Variants in GCN1 observed in about 807,000 individuals in gnomAD.
GCN1 encodes the protein GCN1 activator of EIF2AK4, also known as stalled ribosome sensor GCN1.
GCN1 carries 90 observed loss-of-function variants against 288.4 expected under a neutral mutation model. That is an observed-to-expected ratio of 0.31 (90% CI 0.26 to 0.37). The LOEUF (loss-of-function observed/expected upper bound fraction) is 0.37, where lower values mean the gene tolerates loss of function less well. Ranked by LOEUF, GCN1 falls within the 10% of genes least tolerant of loss-of-function variation. The pLI is 1.00. For synonymous variants in GCN1, 1,386 were observed against 1,420.2 expected, an observed-to-expected ratio of 0.98 and a Z score of 0.54; for missense variants, 2,586 against 3,419.9, an observed-to-expected ratio of 0.76 and a Z score of 6.08.
At position 120,127,514 on chromosome 12, in the gene GCN1, T is replaced by A. The variant is rs1876654992; in HGVS notation, c.*335A>T. 1 of 237,984 alleles carries A rather than the reference T, an allele frequency of 4.2e-6. No individual in the cohort carries two copies. The highest frequency in any genetic ancestry group is 8.4e-6 in the Non-Finnish European group (1 of 118,768). 14.7% of individuals were successfully genotyped at this position (237,984 alleles called of 1,614,324 possible). A position where few individuals can be genotyped will look rare whatever the true frequency, so the allele number is the denominator to read the frequency against. Reference sequence around the variant, plus strand: ...GTAGCGCCAGCTCTCAAACCAGAGCTCAAGCACAGGAGAAGAGGAACCCAC... The same window carrying A: ...GTAGCGCCAGCTCTCAAACCAGAGCACAAGCACAGGAGAAGAGGAACCCAC... On this transcript the variant is annotated 3_prime_UTR_variant, in exon 58 of 58. Transcript: ENST00000300648.
chr12:120,172,236 A>G (rs73412859), intron 14 of GCN1, among the ~76,000 whole-genome samples: 1 of 152,182 alleles, frequency 6.6e-6, no homozygotes, highest in African/African-American at 2.4e-5. Context: ...TTGAGCGTAC[A>G]TTTCTACCCA....
chr12:120,130,819 A>G, intron 55 of GCN1, 66 bp from the exon 56 acceptor site: 3 of 959,694 alleles, frequency 3.1e-6, no homozygotes, highest in Non-Finnish European at 4.9e-6. Context: ...GGAAAACCCC[A>G]GTTCCTAGTA....
intron 15 of GCN1, among the ~76,000 whole-genome samples, chr12:120,168,792 T>C (rs1878213930): frequency 6.6e-6 from 1 of 152,046 alleles, no homozygotes; most frequent in Non-Finnish European, 1.5e-5. Context: ...AAGCTACGGA[T>C]ATATTTCTGT....
At position 120,155,275 on chromosome 12, in the gene GCN1, C is replaced by T; in HGVS notation, c.3596G>A (p.Gly1199Asp). ...TTCCTGGTAAATCTCCATGAGCCTG[C>T]CCATAACCTCCGCCGCCTGCCGCTG... is the stretch of plus-strand genomic sequence containing the variant. Reference protein sequence around the residue: ...RYQRQAAEVMGRLMEIYQEKL... With the variant: ...RYQRQAAEVMDRLMEIYQEKL... The change falls in exon 30 of 58, where the codon GGC becomes GAC. Residue 1199 changes from glycine to aspartate, a missense_variant. Gly to Asp is a moderately conservative substitution (Grantham distance 94, BLOSUM62 -1). Around this residue, in one of 8 missense-constraint regions of GCN1, gnomAD observed 332 missense variants for 403.0 expected, o/e 0.82. Transcript: ENST00000300648. The surrounding 1 kb of genome is among the most constrained non-coding windows in gnomAD (Gnocchi z 4.9). 3 of 1,614,164 alleles carry T rather than the reference C, an allele frequency of 1.9e-6. No individual in the cohort carries two copies. Among genetic ancestry groups the T allele is most frequent in the Non-Finnish European group, 2.5e-6 (3 of 1,180,032 alleles).
intron 10 of GCN1, 111 bp from the exon 11 acceptor site, chr12:120,175,985 C>T (rs1878470983): frequency 2.8e-6 from 4 of 1,421,704 alleles, no homozygotes; most frequent in South Asian, 2.4e-5. Flanking sequence ...TGCTCTCATT[C>T]AAATAATCTC....
chr12:120,133,728 G>A (rs931312168), intron 53 of GCN1, among the ~76,000 whole-genome samples: 3 of 152,218 alleles, frequency 2.0e-5, no homozygotes, highest in Admixed American at 6.5e-5. Flanking sequence ...AGAGCAAATA[G>A]GTGAGAGGTC....
chr12:120,179,804 G>A (rs995429280), intron 5 of GCN1, among the ~76,000 whole-genome samples: 9 of 152,194 alleles, frequency 5.9e-5, no homozygotes, highest in African/African-American at 2.2e-4. Flanking sequence ...TGCCATGCAG[G>A]TAAAGAATTA....
At chr12:120,161,691 A>T (rs2139115291) in intron 21 of GCN1, 108 bp from the exon 22 acceptor site, 2 of 941,996 alleles carry the variant, frequency 2.1e-6, no homozygotes, top group South Asian at 2.8e-5. Flanking sequence ...GTGCACCAGC[A>T]CAGTGCCGGA....
intron 56 of GCN1, among the ~76,000 whole-genome samples, chr12:120,129,822 G>C (rs1396102433): frequency 1.3e-5 from 2 of 152,148 alleles, no homozygotes; most frequent in Admixed American, 6.5e-5. Context: ...GCAGGTCTCA[G>C]CTCCCATGTC....
At position 120,144,518 on chromosome 12, in the gene GCN1, C is replaced by T; in HGVS notation, c.5353-70G>A. On this transcript the variant is annotated intron_variant, in intron 41 of 57. Coordinates refer to ENST00000300648, the MANE Select transcript of GCN1 (RefSeq NM_006836.2). This position sits in a 1 kb window ranked among gnomAD's most constrained non-coding sequence, Gnocchi z 4.7. ...CCCCCAGCCCAAAAAACATGGGGCT[C>T]ACTGAAGGCTGAGGGCTCTGCCAAC... 3.2e-6 allele frequency: 5 copies of T among 1,575,616 alleles called. No individual in the cohort carries two copies. The highest frequency in any genetic ancestry group is 4.3e-6 in the Non-Finnish European group (5 of 1,157,362).
At chr12:120,175,299 G>A (rs1210706776) in intron 11 of GCN1, 87 bp from the exon 12 acceptor site, 11 of 1,202,184 alleles carry the variant, frequency 9.2e-6, no homozygotes, top group East Asian at 4.7e-5. Flanking sequence ...GTGATGCCAC[G>A]ATACGGTTTC....
In GCN1 at chr12:120,162,896, T is replaced by A; in HGVS notation, c.2114A>T (p.His705Leu). Residue 705 changes from histidine to leucine, a missense_variant, in exon 20 of 58, where the codon CAC (histidine) becomes CTC (leucine). His to Leu is a moderately conservative substitution (Grantham distance 99). Coordinates refer to ENST00000300648, the MANE Select transcript of GCN1 (RefSeq NM_006836.2). Reference protein sequence around the residue: ...KIDPEAFITRHLDQIIPRMTT... With the variant: ...KIDPEAFITRLLDQIIPRMTT... Reference sequence around the variant, plus strand: ...CATCCTGGGAATGATCTGATCCAGGTGCCTGGTGATAAAGGCTTCAGGATC... The same window carrying A: ...CATCCTGGGAATGATCTGATCCAGGAGCCTGGTGATAAAGGCTTCAGGATC... The A allele has an allele frequency of 6.2e-7, 1 of 1,614,104 alleles. No individual in the cohort carries two copies. Among genetic ancestry groups the A allele is most frequent in the East Asian group, 2.2e-5 (1 of 44,872 alleles).
At position 120,137,305 on chromosome 12, in the gene GCN1, G is replaced by C; in HGVS notation, c.6678C>G (p.Gly2226=). 6.2e-7 allele frequency: 1 copy of C among 1,613,810 alleles called. No homozygotes were observed. The highest frequency in any genetic ancestry group is 1.3e-5 in the African/African-American group (1 of 75,048). Residue 2226 remains glycine (G), a synonymous_variant, in exon 50 of 58, where the codon GGC becomes GGG. Coordinates refer to ENST00000300648, the MANE Select transcript of GCN1 (RefSeq NM_006836.2). This position sits in a 1 kb window ranked among gnomAD's most constrained non-coding sequence, Gnocchi z 5.2. ...LNAITKKLDA[G]NQLALIEELH... ...GCTCTTCAATGAGTGCCAACTGGTT[G>C]CCAGCATCCAGCTTCTGCAGGAATC... is the stretch of plus-strand genomic sequence containing the variant.
At chr12:120,151,895 C>G (rs1338645709) in intron 33 of GCN1, among the ~76,000 whole-genome samples, 1 of 152,328 alleles carries the variant, frequency 6.6e-6, no homozygotes, top group East Asian at 1.9e-4. Flanking sequence ...AGCTTGGGAG[C>G]AGCAACCCCG....
chr12:120,176,824 T>C (rs1049408905), intron 9 of GCN1, among the ~76,000 whole-genome samples: 1 of 152,176 alleles, frequency 6.6e-6, no homozygotes, highest in African/African-American at 2.4e-5. Flanking sequence ...TGGAGTGTAA[T>C]GGCATGATCT....
At chr12:120,136,172 T>C (rs935387531) in intron 51 of GCN1, among the ~76,000 whole-genome samples, 3 of 152,242 alleles carry the variant, frequency 2.0e-5, no homozygotes, top group Admixed American at 2.0e-4. Context: ...GTGCTTAGTA[T>C]GTAGCAGGCA....
At chr12:120,191,492 A>T (rs1184077544) in intron 1 of GCN1, among the ~76,000 whole-genome samples, 1 of 152,222 alleles carries the variant, frequency 6.6e-6, no homozygotes, top group African/African-American at 2.4e-5. Context: ...CATGTAACTT[A>T]ACACAGTGGG....
rs118125420 is a variant in GCN1, at chr12:120,183,586, C to G, written c.409G>C (p.Asp137His). The change falls in exon 5 of 58, where the codon GAC becomes CAC. Residue 137 changes from aspartate to histidine, a missense_variant. Physicochemically the swap from Asp to His is moderately conservative, Grantham distance 81. Transcript: ENST00000300648. Reference protein sequence around the residue: ...VFPSRAKRQGDIWNKLVEVQC... With the variant: ...VFPSRAKRQGHIWNKLVEVQC... ...GAACCTACCAGTTTGTTCCAGATGT[C>G]TCCTTGTCGCTTGGCTCTCGATGGA... 3.7e-6 allele frequency: 6 copies of G among 1,608,754 alleles called. No homozygotes were observed. The East Asian group carries it at 1.3e-4, about 36-fold the overall frequency.
rs563677614 is a variant in GCN1, at chr12:120,183,659, G to A, written c.336C>T (p.Ala112=). ...AGVPSKSSGS[A]ALLALTWTCL... is the part of the protein sequence containing the mutation. ...AGGTCCAGGTCAAGGCCAGCAAGGC[G>A]GCAGAGCCACTGCTCTTACTGCAGA... The change falls in exon 5 of 58, where the codon GCC becomes GCT. Residue 112 remains alanine, a synonymous_variant. Transcript: ENST00000300648. The A allele has an allele frequency of 6.2e-6, 10 of 1,611,764 alleles. No homozygotes were observed. In the East Asian group the frequency reaches 6.7e-5, roughly 11 times the overall value.
Sources: allele counts gnomAD v4.1 joint callset (sites outside exome capture counted in the v4.1 genomes callset), GRCh38; gene constraint gnomAD v4.1.1; regional missense constraint gnomAD v4.1.1; non-coding constraint Gnocchi (gnomAD v3.1); transcripts MANE v1.5; gene names NCBI Gene and HGNC (gene_info 2026-07-23, HGNC 2026-07-21).